Variants in ALLC observed in about 807,000 individuals in gnomAD.
ALLC encodes probable inactive allantoicase.
Under a neutral mutation model 45.0 loss-of-function variants are expected in ALLC, and 40 were observed. The ratio of observed to expected loss-of-function variants is 0.89; its 90% CI spans 0.69 to 1.16. ALLC has a LOEUF of 1.16. ALLC is among the 50% of genes most tolerant of loss of function. The pLI is 0.00. For synonymous variants in ALLC, 176 were observed against 178.1 expected, an observed-to-expected ratio of 0.99 and a Z score of 0.09; for missense variants, 488 against 493.1, an observed-to-expected ratio of 0.99 and a Z score of 0.10.
chr2:3,658,668 G>C (rs545324884), intron 1 of ALLC, among the ~76,000 whole-genome samples: 1 of 152,192 alleles, frequency 6.6e-6, no homozygotes, highest in African/African-American at 2.4e-5. Context: ...AGGAGTTTGA[G>C]ACCAGCCTGA....
chr2:3,651,419 G>C, the ALLC span, among the ~76,000 whole-genome samples: 1 of 56,220 alleles, frequency 1.8e-5, no homozygotes, highest in Admixed American at 2.5e-4. Context: ...GTGTGTGTGT[G>C]TGTGTGTGTG....
chr2:3,663,090 A>T (rs937571613), intron 1 of ALLC, among the ~76,000 whole-genome samples: 26 of 152,214 alleles, frequency 1.7e-4, no homozygotes, highest in Admixed American at 3.9e-4. Flanking sequence ...ACCCAAAGAA[A>T]TGTAAATCAT....
At chr2:3,699,029 C>A (rs1667756000) in intron 10 of ALLC, among the ~76,000 whole-genome samples, 1 of 151,902 alleles carries the variant, frequency 6.6e-6, no homozygotes, top group Non-Finnish European at 1.5e-5. Flanking sequence ...TCTGTTTTTT[C>A]TTTTAACTAT....
upstream of ALLC, among the ~76,000 whole-genome samples, chr2:3,656,457 C>T (rs938501613): frequency 1.1e-4 from 17 of 152,346 alleles, no homozygotes; most frequent in African/African-American, 3.6e-4. Flanking sequence ...TCGCCTCTGC[C>T]GCATGTGGCT....
At chr2:3,649,038 C>G in the ALLC span, among the ~76,000 whole-genome samples, 1 of 152,230 alleles carries the variant, frequency 6.6e-6, no homozygotes, top group South Asian at 2.1e-4. Context: ...TAGCCCAGGA[C>G]AGTACGTTCT....
chr2:3,676,365 CT>C (rs1667025304), intron 3 of ALLC, among the ~76,000 whole-genome samples: 1 of 152,124 alleles, frequency 6.6e-6, no homozygotes, highest in East Asian at 1.9e-4. Context: ...TCACTGCAGC[CT>C]CGACTTCCTG....
Position 3,672,113 on chromosome 2 carries a change from C to G in ALLC, c.33+923C>G, listed in dbSNP as rs1462564478. On this transcript the variant is annotated intron_variant, in intron 2 of 11. Coordinates refer to ENST00000252505, the MANE Select transcript of ALLC (RefSeq NM_018436.4). ...TGGTTAGATCGGAGGTCCTCTGGCT[C>G]TAGTTAGATTGGAGGTCCTCTGGCT... Among the ~76,000 whole-genome samples, 2 of 113,820 alleles carry G rather than the reference C, an allele frequency of 1.8e-5. 1 individual carries two copies. Among genetic ancestry groups the G allele is most frequent in the African/African-American group, 8.0e-5 (2 of 25,048 alleles). 74.7% of individuals were successfully genotyped at this position (113,820 alleles called of 152,430 possible).
chr2:3,671,292 G>A, intron 2 of ALLC, 102 bp downstream of exon 2: 1 of 1,396,452 alleles, frequency 7.2e-7, no homozygotes, highest in Non-Finnish European at 9.9e-7. Context: ...CAAGAATCAG[G>A]CTGAAGTGTT....
At position 3,702,575 on chromosome 2, in the gene ALLC, C is replaced by T; in HGVS notation, c.*12C>T. 1 of 1,529,714 alleles carries T rather than the reference C, an allele frequency of 6.5e-7. No homozygotes were observed. The highest frequency in any genetic ancestry group is 8.8e-7 in the Non-Finnish European group (1 of 1,139,446). The allele number at this position is 1,529,714 out of a possible 1,614,324, so 94.8% of individuals were successfully genotyped here. On this transcript the variant is annotated 3_prime_UTR_variant, in exon 12 of 12. Transcript: ENST00000252505. Reference sequence around the variant, plus strand: ...AAGCAAACCCTTAACACACACAAAGCCCCGGTGTCGGACACACAGCAGTAA... The same window carrying T: ...AAGCAAACCCTTAACACACACAAAGTCCCGGTGTCGGACACACAGCAGTAA...
chr2:3,649,243 CTTT>C, the ALLC span, among the ~76,000 whole-genome samples: 7 of 140,458 alleles, frequency 5.0e-5, no homozygotes, highest in Admixed American at 7.1e-5. Context: ...CCAAACACTT[CTTT>C]TTTTTTTTTT....
chr2:3,693,992 A>T (rs1301744469), intron 7 of ALLC, among the ~76,000 whole-genome samples: 1 of 152,210 alleles, frequency 6.6e-6, no homozygotes, highest in Non-Finnish European at 1.5e-5. Context: ...CTGTCTCAAA[A>T]AGAAAACAAA....
chr2:3,700,416 A>G (rs1305780805), intron 10 of ALLC, among the ~76,000 whole-genome samples: 3 of 152,176 alleles, frequency 2.0e-5, no homozygotes, highest in Admixed American at 2.0e-4. Flanking sequence ...TCTTTAATCC[A>G]CAGTTCTCTG....
intron 10 of ALLC, among the ~76,000 whole-genome samples, chr2:3,698,288 C>T (rs1667735531): frequency 6.6e-6 from 1 of 152,186 alleles, no homozygotes; most frequent in South Asian, 2.1e-4. Context: ...AGTAACTCCT[C>T]TATAAAATTC....
At chr2:3,699,205 G>A (rs1667760585) in intron 10 of ALLC, among the ~76,000 whole-genome samples, 1 of 152,082 alleles carries the variant, frequency 6.6e-6, no homozygotes. Flanking sequence ...TTATGCCCCA[G>A]TGTCCATGTG....
intron 10 of ALLC, among the ~76,000 whole-genome samples, chr2:3,700,465 G>T (rs764498558): frequency 2.0e-5 from 3 of 152,022 alleles, no homozygotes; most frequent in Non-Finnish European, 4.4e-5. Context: ...TTTTGTGAGG[G>T]ATGCTTTAGT....
upstream of ALLC, among the ~76,000 whole-genome samples, chr2:3,656,910 A>G (rs991214687): frequency 6.6e-6 from 1 of 152,026 alleles, no homozygotes; most frequent in East Asian, 1.9e-4. Context: ...TAGCGAAACC[A>G]CGAGGATAAA....
At chr2:3,657,017 CAAG>C (rs1666458874), upstream of ALLC, among the ~76,000 whole-genome samples, 1 of 152,190 alleles carries the variant, frequency 6.6e-6, no homozygotes, top group Non-Finnish European at 1.5e-5. Flanking sequence ...TCACGGCTGA[CAAG>C]AACTGCCAGG....
At chr2:3,650,252 T>A in the ALLC span, among the ~76,000 whole-genome samples, 1 of 152,112 alleles carries the variant, frequency 6.6e-6, no homozygotes, top group African/African-American at 2.4e-5. Context: ...GGGAATTAGA[T>A]AGCAAAGCCC....
intron 3 of ALLC, among the ~76,000 whole-genome samples, chr2:3,675,031 T>C (rs1666985999): frequency 6.6e-6 from 1 of 152,162 alleles, no homozygotes; most frequent in African/African-American, 2.4e-5. Flanking sequence ...CCAACCTAAG[T>C]GTTCATTGAT....
Sources: allele counts gnomAD v4.1 joint callset (sites outside exome capture counted in the v4.1 genomes callset), GRCh38; gene constraint gnomAD v4.1.1; transcripts MANE v1.5; gene names NCBI Gene and HGNC (gene_info 2026-07-23, HGNC 2026-07-21).